The following AASDH variants were observed in gnomAD, a reference collection of about 807,000 sequenced individuals.
AASDH encodes beta-alanine-activating enzyme.
A neutral mutation model predicts 102.3 loss-of-function variants in AASDH; 81 were observed. That is an observed-to-expected ratio of 0.79 (90% CI 0.66 to 0.95). The LOEUF (loss-of-function observed/expected upper bound fraction) is 0.95, where lower values mean the gene tolerates loss of function less well. Ranked by LOEUF, AASDH falls within the 40% of genes least tolerant of loss-of-function variation. The probability of loss-of-function intolerance (pLI) is 0.00; values close to 1 mark genes in which losing one functional copy is unlikely to be tolerated. For synonymous variants in AASDH, 398 were observed against 454.0 expected (o/e 0.88, Z 1.57); for missense variants, 1,203 against 1,266.2 (o/e 0.95, Z 0.76).
At chr4:56,344,060 T>A (rs1748036468) in intron 12 of AASDH, among the ~76,000 whole-genome samples, 1 of 152,198 alleles carries the variant, frequency 6.6e-6, no homozygotes, top group South Asian at 2.1e-4. Context: ...TAATCCATAA[T>A]ATCCCATATG....
intron 4 of AASDH, among the ~76,000 whole-genome samples, chr4:56,373,950 T>G (rs955395045): frequency 1.3e-5 from 2 of 152,186 alleles, no homozygotes; most frequent in Admixed American, 6.5e-5. Context: ...AACAAACATT[T>G]AAACATATTA....
Position 56,343,583 on chromosome 4 carries a change from T to C in AASDH, c.2754A>G (p.Gly918=), listed in dbSNP as rs1238331197. 1 of 1,609,218 alleles carries C rather than the reference T, an allele frequency of 6.2e-7. No individual in the cohort carries two copies. The highest frequency in any genetic ancestry group is 1.1e-5 in the South Asian group (1 of 90,122). ...CTACAGGATTTACAGCCAGTAAAAG[T>C]CCTCCCAATGTAGCAAAATACAAAT... The part of the protein sequence containing the change: ...PHHLYFATLG[G]LLLAVNPATG... The change falls in exon 13 of 15, where the codon GGA becomes GGG. Residue 918 remains glycine (G), a synonymous_variant. Transcript: ENST00000205214.
intron 14 of AASDH, among the ~76,000 whole-genome samples, chr4:56,340,837 C>CTATTAAA (rs2109837747): frequency 1.3e-5 from 2 of 152,000 alleles, no homozygotes; most frequent in South Asian, 4.2e-4. Context: ...TAAACAAATC[C>CTATTAAA]TATTAAAAAG....
intron 1 of AASDH, among the ~76,000 whole-genome samples, chr4:56,385,460 T>C (rs911342759): frequency 2.0e-5 from 3 of 152,194 alleles, no homozygotes; most frequent in Non-Finnish European, 2.9e-5. Context: ...AAACAGTATT[T>C]CAAGAAAGAA....
Position 56,378,320 on chromosome 4 carries a change from T to C in AASDH, c.496A>G (p.Lys166Glu). The C allele has an allele frequency of 2.5e-6, 4 of 1,614,196 alleles. No homozygotes were observed. Among genetic ancestry groups the C allele is most frequent in the Non-Finnish European group, 3.4e-6 (4 of 1,180,022 alleles). ...TGCTCAGAACTTATGCTTTTTATTT[T>C]TTCTTTTTCATATTTCTCTTTTCCA... ...NDGKEKYEKE[K>E]IKSISSEHVN... The change falls in exon 4 of 15, where the codon AAA becomes GAA. Residue 166 changes from lysine (K) to glutamate (E), a missense_variant. Lys to Glu is a moderately conservative substitution (Grantham distance 56, BLOSUM62 1). Transcript: ENST00000205214.
intron 14 of AASDH, among the ~76,000 whole-genome samples, chr4:56,342,215 TATAATGTTC>T (rs1440994451): frequency 1.3e-5 from 2 of 152,082 alleles, no homozygotes; most frequent in African/African-American, 4.8e-5. Flanking sequence ...AAAAATAAGT[TATAATGTTC>T]AGTAGCAGAG....
chr4:56,358,190 ATCT>A (rs1749844993), intron 5 of AASDH, among the ~76,000 whole-genome samples: 1 of 151,848 alleles, frequency 6.6e-6, no homozygotes, highest in Non-Finnish European at 1.5e-5. Context: ...TTGTATATTG[ATCT>A]TCTATCCTCC....
intron 5 of AASDH, among the ~76,000 whole-genome samples, chr4:56,364,428 A>G (rs921864720): frequency 1.3e-5 from 2 of 152,166 alleles, no homozygotes; most frequent in Non-Finnish European, 2.9e-5. Context: ...AGATTCACCG[A>G]AGTTGAAATT....
At chr4:56,352,358 A>T (rs181674046) in intron 9 of AASDH, among the ~76,000 whole-genome samples, 31 of 152,286 alleles carry the variant, frequency 2.0e-4, no homozygotes, top group African/African-American at 6.7e-4. Flanking sequence ...GAGGGCCAAA[A>T]TAGAAAAAAG....
intron 9 of AASDH, 134 bp from the exon 10 acceptor site, chr4:56,351,591 T>TA: frequency 3.5e-6 from 2 of 574,454 alleles, no homozygotes; most frequent in South Asian, 4.9e-5. Context: ...TTGTCAACAA[T>TA]CAATTCTAAA....
intron 5 of AASDH, among the ~76,000 whole-genome samples, chr4:56,363,768 G>C (rs1035904482): frequency 7.9e-5 from 12 of 151,918 alleles, no homozygotes; most frequent in Admixed American, 6.6e-5. Context: ...CACAAAGATG[G>C]GAAAAAAACA....
At chr4:56,383,328 G>A (rs1753189116) in intron 2 of AASDH, among the ~76,000 whole-genome samples, 1 of 151,980 alleles carries the variant, frequency 6.6e-6, no homozygotes, top group Admixed American at 6.6e-5. Flanking sequence ...AAGTCACCAG[G>A]GTGGTCTCGA....
At chr4:56,372,289 T>G (rs1560606799) in intron 4 of AASDH, among the ~76,000 whole-genome samples, 1 of 152,208 alleles carries the variant, frequency 6.6e-6, no homozygotes, top group Non-Finnish European at 1.5e-5. Context: ...CTGATCCCTA[T>G]GGACTTTAGA....
chr4:56,373,649 A>C (rs1752000780), intron 4 of AASDH, among the ~76,000 whole-genome samples: 2 of 152,188 alleles, frequency 1.3e-5, no homozygotes, highest in Non-Finnish European at 2.9e-5. Context: ...AACAAAGGCT[A>C]CCCTCAAACT....
At chr4:56,386,083 C>A (rs897481476) in intron 1 of AASDH, among the ~76,000 whole-genome samples, 3 of 152,060 alleles carry the variant, frequency 2.0e-5, no homozygotes, top group African/African-American at 7.2e-5. Context: ...TTTGAAAATG[C>A]TGTGATTTCT....
chr4:56,366,428 T>A (rs1319217430), intron 5 of AASDH, among the ~76,000 whole-genome samples: 1 of 152,164 alleles, frequency 6.6e-6, no homozygotes, highest in African/African-American at 2.4e-5. Flanking sequence ...AAAAGAGAAT[T>A]TTAGACCAAT....
At chr4:56,341,387 A>ATTTTTTTT (rs1560561026) in intron 14 of AASDH, among the ~76,000 whole-genome samples, 2 of 82,798 alleles carry the variant, frequency 2.4e-5, no homozygotes, top group Non-Finnish European at 2.6e-5. Flanking sequence ...GGAGACTTTT[A>ATTTTTTTT]TCTTTTTTTT....
rs144548720 is a variant in AASDH, at chr4:56,350,176, C to T, written c.1693-118G>A. Reference sequence around the variant, plus strand: ...TACATTAATAATTAGAAATATAGGTCGGGTACAGTGGCTCACGCCTGTAAT... The same window carrying T: ...TACATTAATAATTAGAAATATAGGTTGGGTACAGTGGCTCACGCCTGTAAT... On this transcript the variant is annotated intron_variant, in intron 10 of 14. Transcript: ENST00000205214. The T allele has an allele frequency of 5.1e-4, 491 of 971,498 alleles. 4 individuals are homozygous for T. The East Asian group carries it at 0.012, about 24-fold the overall frequency. The allele number at this position is 971,498 out of a possible 1,614,324, so 60.2% of individuals were successfully genotyped here.
Position 56,349,862 on chromosome 4 carries a change from A to G in AASDH, c.1889T>C (p.Val630Ala). The G allele has an allele frequency of 6.2e-7, 1 of 1,614,146 alleles. No individual in the cohort carries two copies. Among genetic ancestry groups the G allele is most frequent in the Non-Finnish European group, 8.5e-7 (1 of 1,180,028 alleles). Reference protein sequence around the residue: ...LEIYNHILQTVVPDEDVTFRK... With the variant: ...LEIYNHILQTAVPDEDVTFRK... ...GAATGTCACATCTTCATCTGGAACC[A>G]CTGTTTGAAGGATGTGATTATAAAT... Residue 630 changes from valine to alanine, a missense_variant, in exon 11 of 15, where the codon GTG becomes GCG. Val to Ala is a moderately conservative substitution (Grantham distance 64). Transcript: ENST00000205214.
Sources: allele counts gnomAD v4.1 joint callset (sites outside exome capture counted in the v4.1 genomes callset), GRCh38; gene constraint gnomAD v4.1.1; transcripts MANE v1.5; gene names NCBI Gene and HGNC (gene_info 2026-07-23, HGNC 2026-07-21).